Variants in BID observed in about 807,000 individuals in gnomAD.
BID encodes the protein BH3 interacting domain death agonist.
BID carries 19 observed loss-of-function variants against 17.4 expected under a neutral mutation model. The observed-to-expected ratio is 1.09, with a 90% CI of 0.76 to 1.60. BID has a LOEUF of 1.60. BID is among the 40% of genes most tolerant of loss of function. BID has a pLI of 0.00. For missense variants in BID, 226 were observed against 256.0 expected (o/e 0.88, Z 0.80); for synonymous variants, 108 against 102.8 (o/e 1.05, Z -0.31).
Position 17,740,175 on chromosome 22 carries a change from C to T in BID, c.224-687G>A, listed in dbSNP as rs534608478. On this transcript the variant is annotated intron_variant, in intron 3 of 5. Coordinates refer to ENST00000622694, the MANE Select transcript of BID (RefSeq NM_001196.4). ...CACTTGCTGTGTTATTGTCTGACGC[C>T]CCTGCCAGAAGGTAAGCTCCCTAAG... is the stretch of plus-strand genomic sequence containing the variant. The T allele has an allele frequency of 2.4e-4, 380 of 1,611,608 alleles. 4 individuals are homozygous for T. The South Asian group carries it at 3.9e-3, about 16-fold the overall frequency.
Position 17,753,788 on chromosome 22 carries a change from G to C in BID, c.-58-3614C>G, listed in dbSNP as rs754492490. On this transcript the variant is annotated intron_variant, in intron 1 of 5. Transcript: ENST00000622694. ...GCAGATGGGAAACGGGAAATACCCT[G>C]CCTCACCTCAGTGAGGCTGCCCTCA... Among the ~76,000 whole-genome samples the C allele has an allele frequency of 3.3e-5, 5 of 152,238 alleles. No individual in the cohort carries two copies. The South Asian group carries it at 1.0e-3, about 31-fold the overall frequency.
intron 1 of BID, among the ~76,000 whole-genome samples, chr22:17,765,396 A>G (rs1222653738): frequency 6.6e-6 from 1 of 152,176 alleles, no homozygotes. Flanking sequence ...TATACCTAGT[A>G]ACCAATGTTT....
intron 1 of BID, among the ~76,000 whole-genome samples, chr22:17,751,477 G>A (rs919948713): frequency 3.3e-5 from 5 of 151,866 alleles, no homozygotes; most frequent in African/African-American, 7.2e-5. Flanking sequence ...GTGTGTGTGC[G>A]TGTGTGTGTG....
chr22:17,746,076 C>T (rs567951196), intron 2 of BID, among the ~76,000 whole-genome samples: 2 of 152,264 alleles, frequency 1.3e-5, no homozygotes, highest in African/African-American at 2.4e-5. Context: ...TGCAGCAACA[C>T]GGATGGAGCT....
intron 1 of BID, among the ~76,000 whole-genome samples, chr22:17,751,605 G>T (rs2061540639): frequency 6.6e-6 from 1 of 152,198 alleles, no homozygotes; most frequent in Non-Finnish European, 1.5e-5. Context: ...AGAGGAGAAA[G>T]CCTGTGCCCA....
At chr22:17,742,552 C>T (rs181399) in intron 3 of BID, among the ~76,000 whole-genome samples, 122,585 of 147,938 alleles carry the variant, frequency 0.83, 50,670 homozygotes, top group East Asian at 0.94. Context: ...CTAAGACAGG[C>T]GGGAGGCAGA....
chr22:17,761,923 G>A (rs2061642130), intron 1 of BID, among the ~76,000 whole-genome samples: 1 of 152,106 alleles, frequency 6.6e-6, no homozygotes, highest in Non-Finnish European at 1.5e-5. Flanking sequence ...ACCATATTCT[G>A]GAAAACACTG....
intron 1 of BID, among the ~76,000 whole-genome samples, chr22:17,765,257 T>C (rs2061669977): frequency 6.6e-6 from 1 of 152,088 alleles, no homozygotes. Flanking sequence ...ACAACGCCCC[T>C]GTGAGGTAGG....
intron 4 of BID, among the ~76,000 whole-genome samples, 194 bp from the exon 5 acceptor site, chr22:17,738,423 G>A (rs2061435326): frequency 6.6e-6 from 1 of 152,166 alleles, no homozygotes; most frequent in African/African-American, 2.4e-5. Context: ...CAGGGGGCTC[G>A]GTAAGCAAAC....
chr22:17,761,632 C>T (rs554413117), intron 1 of BID, among the ~76,000 whole-genome samples: 1 of 151,936 alleles, frequency 6.6e-6, no homozygotes, highest in Non-Finnish European at 1.5e-5. Context: ...GGGGTTTCAC[C>T]GTGTTAGCCA....
chr22:17,742,418 G>A (rs2061465833), intron 3 of BID, among the ~76,000 whole-genome samples: 1 of 152,152 alleles, frequency 6.6e-6, no homozygotes, highest in African/African-American at 2.4e-5. Context: ...AGTTCAGGGC[G>A]AGCCAGAAGA....
chr22:17,735,316 T>C lies in BID; in HGVS notation c.*264A>G, dbSNP rs2145867524. On this transcript the variant is annotated 3_prime_UTR_variant, in exon 6 of 6. Coordinates refer to ENST00000622694, the MANE Select transcript of BID (RefSeq NM_001196.4). ...GAAATAAAGGCACCGTGTGTAGATT[T>C]ACAGATGTGCAGATTCATGTGTGGA... The C allele has an allele frequency of 2.1e-6, 1 of 485,464 alleles. No individual in the cohort carries two copies. The highest frequency in any genetic ancestry group is 3.7e-5 in the Admixed American group (1 of 27,050). The allele number at this position is 485,464 out of a possible 1,614,324, so 30.1% of individuals were successfully genotyped here.
At chr22:17,749,866 G>T (rs146388509) in intron 2 of BID, among the ~76,000 whole-genome samples, 1 of 152,308 alleles carries the variant, frequency 6.6e-6, no homozygotes, top group Non-Finnish European at 1.5e-5. Flanking sequence ...CCCAGGCGCG[G>T]TGTGGAGGGG....
chr22:17,768,670 G>A (rs2061696046), intron 1 of BID, among the ~76,000 whole-genome samples: 1 of 152,172 alleles, frequency 6.6e-6, no homozygotes, highest in African/African-American at 2.4e-5. Flanking sequence ...TCAGGAGATC[G>A]AGACCATCCT....
chr22:17,741,415 G>A (rs1022797079), intron 3 of BID, among the ~76,000 whole-genome samples: 1 of 151,842 alleles, frequency 6.6e-6, no homozygotes, highest in African/African-American at 2.4e-5. Context: ...CAGCCTGAAA[G>A]TACGTCTGAC....
intron 2 of BID, among the ~76,000 whole-genome samples, chr22:17,747,848 C>T (rs1430482085): frequency 7.3e-5 from 11 of 151,006 alleles, no homozygotes; most frequent in Non-Finnish European, 1.5e-4. Flanking sequence ...GAAGCCGAGG[C>T]GGGCGGATCA....
chr22:17,773,943 G>T lies in BID; in HGVS notation c.-59+438C>A. The T allele has an allele frequency of 1.8e-6, 1 of 552,936 alleles. No individual in the cohort carries two copies. The highest frequency in any genetic ancestry group is 3.2e-5 in the East Asian group (1 of 31,720). The allele number at this position is 552,936 out of a possible 1,614,324, so 34.3% of individuals were successfully genotyped here. ...CGGCAGGTGTCTGCGGTGCTGGAAA[G>T]ACCACGGTGTGGGCGGGGATTCCGA... On this transcript the variant is annotated intron_variant, in intron 1 of 5. Transcript: ENST00000622694. The surrounding 1 kb of genome is among the most constrained non-coding windows in gnomAD (Gnocchi z 4.4).
chr22:17,750,235 G>A (rs2061527576), intron 1 of BID, 61 bp from the exon 2 acceptor site: 3 of 1,412,162 alleles, frequency 2.1e-6, no homozygotes, highest in Non-Finnish European at 2.0e-6. Flanking sequence ...GGACCCCTCG[G>A]GAGGACGACG....
rs577669584 is a variant in BID, at chr22:17,749,617, C to T, written c.12+488G>A. Among the ~76,000 whole-genome samples, 4 of 152,326 alleles carry T rather than the reference C, an allele frequency of 2.6e-5. No individual in the cohort carries two copies. In the South Asian group the frequency reaches 8.3e-4, roughly 32 times the overall value. On this transcript the variant is annotated intron_variant, in intron 2 of 5. Coordinates refer to ENST00000622694, the MANE Select transcript of BID (RefSeq NM_001196.4). Reference sequence around the variant, plus strand: ...GTTAGACAAGGTAAGTATTGTCTTGCTTTTACAGTTGAGAGAATTATATGA... The same window carrying T: ...GTTAGACAAGGTAAGTATTGTCTTGTTTTTACAGTTGAGAGAATTATATGA...
Sources: gnomAD v4.1 joint callset for allele counts (sites outside exome capture counted in the v4.1 genomes callset) on GRCh38, gnomAD v4.1.1 for gene constraint, Gnocchi (gnomAD v3.1) non-coding constraint, MANE v1.5 for transcripts, NCBI Gene and HGNC (gene_info 2026-07-23, HGNC 2026-07-21) for gene names.